Variants in TXNRD2 observed in about 807,000 individuals in gnomAD.
TXNRD2 encodes the protein thioredoxin reductase 2, also known as thioredoxin reductase 2, mitochondrial.
TXNRD2 carries 67 observed loss-of-function variants against 70.8 expected under a neutral mutation model. The ratio of observed to expected loss-of-function variants is 0.95; its 90% CI spans 0.78 to 1.16. TXNRD2 has a LOEUF of 1.16. TXNRD2 is among the 50% of genes most tolerant of loss of function. TXNRD2 has a pLI of 0.00. For missense variants in TXNRD2, 644 were observed against 719.9 expected (o/e 0.89, Z 1.21); for synonymous variants, 301 against 295.8 (o/e 1.02, Z -0.18).
intron 2 of TXNRD2, among the ~76,000 whole-genome samples, chr22:19,925,783 G>T (rs187122865): frequency 1.3e-5 from 2 of 151,984 alleles, no homozygotes. Context: ...TCTTAGCTAT[G>T]ATACCAAAAT....
intron 14 of TXNRD2, 60 bp from the exon 15 acceptor site, chr22:19,878,497 C>T: frequency 6.9e-7 from 1 of 1,456,490 alleles, no homozygotes; most frequent in Non-Finnish European, 9.6e-7. Context: ...GTGGCACCTG[C>T]AGCTCCCACA....
chr22:19,885,210 C>T (rs1938970014), intron 11 of TXNRD2, among the ~76,000 whole-genome samples: 1 of 152,194 alleles, frequency 6.6e-6, no homozygotes, highest in South Asian at 2.1e-4. Flanking sequence ...CTTTTCCCTC[C>T]CAACCCCAGG....
At chr22:19,900,336 C>T (rs1306342608) in intron 8 of TXNRD2, among the ~76,000 whole-genome samples, 2 of 152,238 alleles carry the variant, frequency 1.3e-5, no homozygotes, top group African/African-American at 4.8e-5. Context: ...CACTTCCACA[C>T]ATGCACACAC....
At chr22:19,909,874 T>TCACACACACAACCCCACACACCCTACTCA (rs1295818653) in intron 8 of TXNRD2, among the ~76,000 whole-genome samples, 1 of 40,586 alleles carries the variant, frequency 2.5e-5, no homozygotes, top group African/African-American at 8.5e-5. Flanking sequence ...CACACACCAC[T>TCACACACACAACCCCACACACCCTACTCA]CACACACACC....
intron 11 of TXNRD2, among the ~76,000 whole-genome samples, chr22:19,888,882 CT>C (rs11372870): frequency 0.036 from 5,065 of 142,646 alleles, 141 homozygotes; most frequent in African/African-American, 0.074. Flanking sequence ...TATTTATCTT[CT>C]TTTTTTTTTT....
chr22:19,931,944 A>G (rs1941376285), intron 1 of TXNRD2, among the ~76,000 whole-genome samples: 1 of 151,930 alleles, frequency 6.6e-6, no homozygotes, highest in Non-Finnish European at 1.5e-5. Flanking sequence ...GTGGATCACA[A>G]GGTTAGGAGA....
chr22:19,920,237 C>A (rs1940846330), intron 2 of TXNRD2, among the ~76,000 whole-genome samples: 1 of 152,202 alleles, frequency 6.6e-6, no homozygotes, highest in African/African-American at 2.4e-5. Flanking sequence ...CCCTCCCAGC[C>A]AGCAGTGTGG....
At position 19,880,260 on chromosome 22, in the gene TXNRD2, G is replaced by T; in HGVS notation, c.1194C>A (p.Thr398=). ...DLMDYDNVPT[T]VFTPLEYGCV... The stretch of plus-strand genomic sequence containing the variant: ...AGCCATACTCCAGCGGGGTGAAGAC[G>T]GTCGTGGGAACCTGAAAGCAGGTCT... Residue 398 remains threonine, a synonymous_variant, in exon 14 of 18, where the codon ACC becomes ACA. Coordinates refer to ENST00000400521, the MANE Select transcript of TXNRD2 (RefSeq NM_006440.5). The T allele has an allele frequency of 6.2e-7, 1 of 1,613,598 alleles. No homozygotes were observed. The highest frequency in any genetic ancestry group is 8.5e-7 in the Non-Finnish European group (1 of 1,180,006).
chr22:19,907,235 C>T (rs1287650970), intron 8 of TXNRD2, among the ~76,000 whole-genome samples: 21 of 65,922 alleles, frequency 3.2e-4, no homozygotes, highest in Admixed American at 6.8e-4. Flanking sequence ...TAGCAGTGAC[C>T]GCTCTCAGGA....
intron 8 of TXNRD2, among the ~76,000 whole-genome samples, chr22:19,907,219 C>A (rs141070305): frequency 0.012 from 508 of 41,140 alleles, 6 homozygotes; most frequent in South Asian, 0.042. Flanking sequence ...GTGTGGGCGC[C>A]GTGAGTAGCA....
At chr22:19,906,040 C>G (rs932378798) in intron 8 of TXNRD2, among the ~76,000 whole-genome samples, 1 of 151,324 alleles carries the variant, frequency 6.6e-6, no homozygotes, top group African/African-American at 2.4e-5. Context: ...GTACATCACA[C>G]AAGTTAAAAG....
intron 2 of TXNRD2, among the ~76,000 whole-genome samples, chr22:19,920,277 C>T (rs888543716): frequency 1.3e-5 from 2 of 152,228 alleles, no homozygotes; most frequent in South Asian, 4.1e-4. Flanking sequence ...CTGGGGCCAA[C>T]TCAGAAACCA....
intron 14 of TXNRD2, among the ~76,000 whole-genome samples, chr22:19,879,331 C>T (rs1311719389): frequency 6.6e-6 from 1 of 152,186 alleles, no homozygotes; most frequent in African/African-American, 2.4e-5. Flanking sequence ...TGCCTGCAAG[C>T]TGCAGCGGCA....
At chr22:19,875,949 C>G (rs1392124647) in intron 17 of TXNRD2, 142 bp from the exon 18 acceptor site, 4 of 152,242 alleles carry the variant, frequency 2.6e-5, no homozygotes, top group Admixed American at 6.5e-5. Flanking sequence ...CACCCCAGGG[C>G]GATGCGTCAC....
At chr22:19,899,004 G>A (rs372593604) in intron 9 of TXNRD2, 45 bp downstream of exon 9, 8 of 1,603,004 alleles carry the variant, frequency 5.0e-6, no homozygotes, top group Admixed American at 1.7e-5. Context: ...AAGGGAAGGA[G>A]TGTCCAGTTC....
At position 19,918,141 on chromosome 22, in the gene TXNRD2, A is replaced by G; in HGVS notation, c.449+2T>C. ...GCCCATTCCCGGAGAGAGCTTCAGT[A>G]CCTGTCCTGAAGCTGGACACGGTGG... is the stretch of plus-strand genomic sequence containing the variant. On this transcript the variant is annotated splice_donor_variant, in intron 5 of 17. Transcript: ENST00000400521. LOFTEE classifies it high-confidence loss of function. 6.2e-7 allele frequency: 1 copy of G among 1,613,962 alleles called. No homozygotes were observed. Among genetic ancestry groups the G allele is most frequent in the South Asian group, 1.1e-5 (1 of 91,068 alleles).
intron 1 of TXNRD2, among the ~76,000 whole-genome samples, chr22:19,940,471 C>T (rs1185956495): frequency 1.3e-5 from 2 of 152,104 alleles, no homozygotes; most frequent in Non-Finnish European, 2.9e-5. Context: ...CATTATCCCC[C>T]TAAGTCTCGT....
intron 14 of TXNRD2, 84 bp downstream of exon 14, chr22:19,880,095 C>T: frequency 7.0e-7 from 1 of 1,437,448 alleles, no homozygotes; most frequent in Non-Finnish European, 9.7e-7. Flanking sequence ...ACCTTGGCAC[C>T]CTGCTCACAA....
At chr22:19,893,928 C>CA (rs1248982794) in intron 11 of TXNRD2, 1 of 152,244 alleles carries the variant, frequency 6.6e-6, no homozygotes, top group Non-Finnish European at 1.5e-5. Context: ...AACTCTGTGT[C>CA]ATTTTTATGT....
Sources: allele counts gnomAD v4.1 joint callset (sites outside exome capture counted in the v4.1 genomes callset), GRCh38; gene constraint gnomAD v4.1.1; transcripts MANE v1.5; gene names NCBI Gene and HGNC (gene_info 2026-07-23, HGNC 2026-07-21).